The following PGS1 variants were observed in gnomAD, a reference collection of about 807,000 sequenced individuals.
PGS1 encodes the protein phosphatidylglycerophosphate synthase 1, also known as CDP-diacylglycerol--glycerol-3-phosphate 3-phosphatidyltransferase, mitochondrial.
PGS1 carries 44 observed loss-of-function variants against 58.3 expected under a neutral mutation model. That is an observed-to-expected ratio of 0.75 (90% confidence interval 0.59 to 0.97). The LOEUF (loss-of-function observed/expected upper bound fraction) is 0.97. Among genes scored for constraint, PGS1 ranks in the 50% least tolerant of loss-of-function variants. The pLI, the probability that PGS1 is intolerant of heterozygous loss-of-function variation, is 0.00. For synonymous variants in PGS1, 330 were observed against 311.0 expected (o/e 1.06, Z -0.64); for missense variants, 684 against 731.1 (o/e 0.94, Z 0.74).
chr17:78,404,949 C>A (rs1170223477), intron 7 of PGS1, among the ~76,000 whole-genome samples: 1 of 150,672 alleles, frequency 6.6e-6, no homozygotes, highest in Admixed American at 6.6e-5. Context: ...TGTGAGCCAC[C>A]ACGCCCGGCC....
chr17:78,423,300 G>A (rs1476356211), intron 9 of PGS1, among the ~76,000 whole-genome samples: 2 of 152,248 alleles, frequency 1.3e-5, no homozygotes, highest in Non-Finnish European at 2.9e-5. Flanking sequence ...CTACAGGTCC[G>A]GGGCTTGCTT....
intron 1 of PGS1, among the ~76,000 whole-genome samples, chr17:78,383,464 G>C (rs1271192816): frequency 6.6e-6 from 1 of 152,094 alleles, no homozygotes; most frequent in Admixed American, 6.5e-5. Flanking sequence ...GACCTCAGGT[G>C]GTCCGCCCAC....
intron 1 of PGS1, among the ~76,000 whole-genome samples, chr17:78,381,190 T>C (rs2146037395): frequency 6.6e-6 from 1 of 152,290 alleles, no homozygotes; most frequent in East Asian, 1.9e-4. Flanking sequence ...GCAGTGGAGA[T>C]AGTCTAAATT....
rs192119437 is a variant in PGS1 at position 78,389,744 on chromosome 17, G to A, written c.144-2732G>A. Among the ~76,000 whole-genome samples the A allele has an allele frequency of 4.8e-3, 732 of 151,746 alleles. 7 individuals carry two copies. Among genetic ancestry groups the A allele is most frequent in the South Asian group, 0.026 (124 of 4,810 alleles). On this transcript the variant is annotated intron_variant, in intron 1 of 9. Coordinates refer to ENST00000262764, the MANE Select transcript of PGS1 (RefSeq NM_024419.5). ...TTCTCCTGCTTCAGCCTTCCAAGTA[G>A]CTGGGATTACAGGCATGTACCACCA...
At chr17:78,393,305 C>T (rs935128933) in intron 2 of PGS1, among the ~76,000 whole-genome samples, 1 of 152,196 alleles carries the variant, frequency 6.6e-6, no homozygotes, top group African/African-American at 2.4e-5. Flanking sequence ...CGTGATCCAC[C>T]CGCCTCGGCC....
At chr17:78,393,915 G>T (rs78222989) in intron 2 of PGS1, among the ~76,000 whole-genome samples, 1 of 372 alleles carries the variant, frequency 2.7e-3, no homozygotes, top group Non-Finnish European at 5.5e-3. Context: ...GGCGTGGTGG[G>T]GCCTATGCCT....
chr17:78,409,754 A>C (rs751436752), intron 7 of PGS1, among the ~76,000 whole-genome samples: 1 of 152,168 alleles, frequency 6.6e-6, no homozygotes, highest in Non-Finnish European at 1.5e-5. Flanking sequence ...ATACTGTGGG[A>C]GTGCTTGAGG....
rs568171189 is a variant in PGS1 at position 78,424,002 on chromosome 17, G to A, written c.*11-59G>A. On this transcript the variant is annotated intron_variant, in intron 9 of 9. Coordinates refer to ENST00000262764, the MANE Select transcript of PGS1 (RefSeq NM_024419.5). Reference sequence around the variant, plus strand: ...AGGTCCAGACATAGGTGGGGCCGCGGATGCGTGTTTTGTACACGGGACACT... The same window carrying A: ...AGGTCCAGACATAGGTGGGGCCGCGAATGCGTGTTTTGTACACGGGACACT... 7.4e-6 allele frequency: 12 copies of A among 1,614,036 alleles called. 1 individual carries two copies. The South Asian group carries it at 1.3e-4, about 18-fold the overall frequency.
At position 78,381,344 on chromosome 17, in the gene PGS1, G is replaced by A. The variant is rs144814356; in HGVS notation, c.143+2536G>A. ...CAGTTTCTTGGGCATTAAGACAGAA[G>A]TTTTTGCTTTGTAATCCTCGGAAAT... On this transcript the variant is annotated intron_variant, in intron 1 of 9. Transcript: ENST00000262764. 1.6e-3 allele frequency among the ~76,000 whole-genome samples: 238 copies of A among 152,304 alleles called. 1 individual carries two copies. Among genetic ancestry groups the A allele is most frequent in the African/African-American group, 4.8e-3 (199 of 41,560 alleles).
intron 7 of PGS1, among the ~76,000 whole-genome samples, chr17:78,411,257 C>G (rs1401862081): frequency 2.0e-5 from 3 of 152,154 alleles, no homozygotes; most frequent in Admixed American, 6.5e-5. Context: ...GGAGGGTGGG[C>G]AGGGCCTATT....
intron 1 of PGS1, among the ~76,000 whole-genome samples, chr17:78,389,186 C>T (rs8068866): frequency 0.18 from 27,170 of 149,194 alleles, 3,265 homozygotes; most frequent in African/African-American, 0.35. Context: ...CAGCCACGGG[C>T]GGCTAATTTT....
At position 78,378,789 on chromosome 17, in the gene PGS1, C is replaced by G. The variant is rs1261666688; in HGVS notation, c.124C>G (p.Arg42Gly). ...CCTGTCCGACCGCCTCGGCAGGAAC[C>G]GGGACCGCCAGCGCAGGAGGTGAGA... Reference protein sequence around the residue: ...GRLSDRLGRNRDRQRRRSPWL... With the variant: ...GRLSDRLGRNGDRQRRRSPWL... Residue 42 changes from arginine to glycine, a missense_variant, in exon 1 of 10, where the codon CGG (arginine) becomes GGG (glycine). Coordinates refer to ENST00000262764, the MANE Select transcript of PGS1 (RefSeq NM_024419.5). 5.4e-6 allele frequency: 8 copies of G among 1,478,822 alleles called. No homozygotes were observed. In the African/African-American group the frequency reaches 8.8e-5, roughly 16 times the overall value. The allele number at this position is 1,478,822 out of a possible 1,614,324, so 91.6% of individuals were successfully genotyped here. A position where few individuals can be genotyped will look rare whatever the true frequency, so the allele number is the denominator to read the frequency against.
chr17:78,399,242 G>A, intron 4 of PGS1, 106 bp from the exon 5 acceptor site: 2 of 821,328 alleles, frequency 2.4e-6, no homozygotes, highest in South Asian at 3.1e-5. Flanking sequence ...GACTGATTCA[G>A]GTGGACGGCA....
intron 2 of PGS1, among the ~76,000 whole-genome samples, chr17:78,394,171 CCCAAAAAA>C (rs1473325994): frequency 7.2e-5 from 2 of 27,812 alleles, no homozygotes; most frequent in African/African-American, 1.5e-4. Flanking sequence ...GACTCTATCT[CCCAAAAAA>C]AAAAAAAAAA....
chr17:78,385,227 T>A (rs940373463), intron 1 of PGS1, among the ~76,000 whole-genome samples: 1 of 152,278 alleles, frequency 6.6e-6, no homozygotes, highest in Admixed American at 6.5e-5. Flanking sequence ...CAAGCCATTT[T>A]CGTGCCTCAA....
intron 7 of PGS1, among the ~76,000 whole-genome samples, chr17:78,412,753 G>A (rs1228737661): frequency 6.6e-6 from 1 of 152,240 alleles, no homozygotes; most frequent in African/African-American, 2.4e-5. Flanking sequence ...ATCACTGTCA[G>A]TCTTCCCTCA....
intron 1 of PGS1, among the ~76,000 whole-genome samples, chr17:78,387,447 G>A (rs2082484059): frequency 2.0e-5 from 3 of 150,624 alleles, no homozygotes; most frequent in African/African-American, 4.9e-5. Context: ...TTACAGGCAT[G>A]TGCCACCAGG....
intron 6 of PGS1, 107 bp from the exon 7 acceptor site, chr17:78,403,461 C>T (rs1317276283): frequency 8.6e-7 from 1 of 1,159,652 alleles, no homozygotes; most frequent in South Asian, 1.4e-5. Context: ...AGTGAACATC[C>T]AGTTGTAGCG....
rs949417522 is a variant in PGS1 at position 78,393,295 on chromosome 17, C to T, written c.333+630C>T. On this transcript the variant is annotated intron_variant, in intron 2 of 9. Transcript: ENST00000262764. ...CAGGATGGTCTCGATCTCCTGACCT[C>T]GTGATCCACCCGCCTCGGCCTCCCA... Among the ~76,000 whole-genome samples, 70 of 150,684 alleles carry T rather than the reference C, an allele frequency of 4.6e-4. 2 individuals carry two copies. Among genetic ancestry groups the T allele is most frequent in the African/African-American group, 1.6e-3 (67 of 40,992 alleles).
Sources: gnomAD v4.1 joint callset for allele counts (sites outside exome capture counted in the v4.1 genomes callset) on GRCh38, gnomAD v4.1.1 for gene constraint, MANE v1.5 for transcripts, NCBI Gene and HGNC (gene_info 2026-07-23, HGNC 2026-07-21) for gene names.